Variants in NCAPH observed in about 807,000 individuals in gnomAD.
The protein encoded by NCAPH is non-SMC condensin I complex subunit H.
A neutral mutation model predicts 85.5 loss-of-function variants in NCAPH; 38 were observed. That is an observed-to-expected ratio of 0.44 (90% CI 0.34 to 0.58). NCAPH has a LOEUF of 0.58. Among genes scored for constraint, NCAPH ranks in the 20% least tolerant of loss-of-function variants. The pLI, the probability that NCAPH is intolerant of heterozygous loss-of-function variation, is 0.01. For missense variants in NCAPH, 789 were observed against 916.6 expected (o/e 0.86, Z 1.80); for synonymous variants, 301 against 335.1 (o/e 0.90, Z 1.11).
At chr2:96,353,107 C>T (rs932170810) in intron 7 of NCAPH, among the ~76,000 whole-genome samples, 199 bp from the exon 8 acceptor site, 9 of 152,208 alleles carry the variant, frequency 5.9e-5, no homozygotes, top group East Asian at 3.8e-4. Flanking sequence ...GTGTGGCCGA[C>T]GCATCTGCTC....
intron 6 of NCAPH, among the ~76,000 whole-genome samples, chr2:96,348,687 G>A (rs1432095504): frequency 6.6e-6 from 1 of 151,202 alleles, no homozygotes; most frequent in Non-Finnish European, 1.5e-5. Flanking sequence ...ACAGGGTCTC[G>A]CTCTGTGGCC....
Position 96,351,943 on chromosome 2 carries a change from C to T in NCAPH, c.833C>T (p.Ser278Phe). The T allele has an allele frequency of 6.2e-7, 1 of 1,614,208 alleles. No individual in the cohort carries two copies. Among genetic ancestry groups the T allele is most frequent in the Admixed American group, 1.7e-5 (1 of 60,022 alleles). ...QDYRSELLFP[S>F]DVQTLSTGEP... ...TACAGAAGTGAACTGCTGTTTCCCT[C>T]TGATGTCCAGACTCTCTCCACGGGA... The change falls in exon 7 of 18, where the codon TCT becomes TTT. Residue 278 changes from serine to phenylalanine, a missense_variant. By Grantham distance (155) the Ser-to-Phe change is radical. Coordinates refer to ENST00000240423, the MANE Select transcript of NCAPH (RefSeq NM_015341.5).
At chr2:96,364,126 G>C (rs2064663600) in intron 12 of NCAPH, among the ~76,000 whole-genome samples, 1 of 152,192 alleles carries the variant, frequency 6.6e-6, no homozygotes, top group Non-Finnish European at 1.5e-5. Context: ...TGTCAAAATT[G>C]TTCAAGTGCA....
chr2:96,339,374 C>T (rs1161785923), intron 1 of NCAPH, among the ~76,000 whole-genome samples: 3 of 151,954 alleles, frequency 2.0e-5, no homozygotes, highest in Admixed American at 6.6e-5. Context: ...AGGCAGATCA[C>T]GAGGTCAGGA....
chr2:96,367,214 T>C, intron 14 of NCAPH, 43 bp from the exon 15 acceptor site: 1 of 1,396,076 alleles, frequency 7.2e-7, no homozygotes, highest in South Asian at 1.2e-5. Flanking sequence ...GGTAAAAGTT[T>C]CTTTATTCTG....
intron 6 of NCAPH, 79 bp downstream of exon 6, chr2:96,344,308 C>A (rs2064335390): frequency 6.7e-7 from 1 of 1,491,808 alleles, no homozygotes; most frequent in Non-Finnish European, 8.9e-7. Flanking sequence ...CTAAGGCTGC[C>A]TTGCTGGTAT....
chr2:96,343,734 T>C (rs1375533872), intron 5 of NCAPH, among the ~76,000 whole-genome samples: 7 of 151,152 alleles, frequency 4.6e-5, no homozygotes, highest in Non-Finnish European at 8.8e-5. Context: ...CGAGGCTCAC[T>C]TTGTCACCCA....
intron 5 of NCAPH, among the ~76,000 whole-genome samples, chr2:96,343,904 G>A (rs1400001145): frequency 6.6e-6 from 1 of 152,106 alleles, no homozygotes; most frequent in Non-Finnish European, 1.5e-5. Context: ...GTTTTGTCAT[G>A]TTGGCCAGGC....
chr2:96,367,452 G>A (rs555721918), intron 15 of NCAPH, 79 bp downstream of exon 15: 42 of 1,017,922 alleles, frequency 4.1e-5, no homozygotes, highest in South Asian at 2.1e-4. Context: ...AAGACACCTC[G>A]ATTTGGGCAA....
chr2:96,362,030 C>T (rs1001506551), intron 12 of NCAPH, among the ~76,000 whole-genome samples: 1 of 151,350 alleles, frequency 6.6e-6, no homozygotes, highest in Admixed American at 6.6e-5. Flanking sequence ...AGGCGTGAGC[C>T]GTTACACCTG....
rs192171897 is a variant in NCAPH, at chr2:96,351,787, G to A, written c.721-44G>A. The A allele has an allele frequency of 7.3e-6, 11 of 1,509,368 alleles. No individual in the cohort carries two copies. In the East Asian group the frequency reaches 1.8e-4, roughly 25 times the overall value. 93.5% of individuals were successfully genotyped at this position (1,509,368 alleles called of 1,614,324 possible). ...TGCATGAGAATTTATCTTTCCCTTG[G>A]CTACATGCCGTAAATCTTCAGTTTC... On this transcript the variant is annotated intron_variant, in intron 6 of 17. Coordinates refer to ENST00000240423, the MANE Select transcript of NCAPH (RefSeq NM_015341.5).
In NCAPH at chr2:96,375,264, TC is replaced by T. The variant is rs1008792216; in HGVS notation, c.*1919del. Among the ~76,000 whole-genome samples the T allele has an allele frequency of 2.8e-4, 43 of 152,178 alleles. No homozygotes were observed. Among genetic ancestry groups the T allele is most frequent in the Middle Eastern group, 3.4e-3 (1 of 294 alleles). On this transcript the variant is annotated 3_prime_UTR_variant, in exon 18 of 18. Coordinates refer to ENST00000240423, the MANE Select transcript of NCAPH (RefSeq NM_015341.5). ...ACCAACTTCTACAATGAAATCCCCT[TC>T]CCCCCACAACCCTGCTTCTCCTAAG...
At chr2:96,344,861 G>A (rs1245994896) in intron 6 of NCAPH, among the ~76,000 whole-genome samples, 1 of 152,144 alleles carries the variant, frequency 6.6e-6, no homozygotes, top group Non-Finnish European at 1.5e-5. Flanking sequence ...CATTGTTTCA[G>A]TGAACATTCT....
chr2:96,361,825 TA>T (rs1331863367), intron 12 of NCAPH, among the ~76,000 whole-genome samples: 98 of 122,592 alleles, frequency 8.0e-4, no homozygotes, highest in South Asian at 2.8e-3. Context: ...TATATATATA[TA>T]TATTTTTTTT....
chr2:96,341,634 T>G lies in NCAPH; in HGVS notation c.20-8T>G. The G allele has an allele frequency of 6.2e-7, 1 of 1,606,434 alleles. No homozygotes were observed. Among genetic ancestry groups the G allele is most frequent in the African/African-American group, 1.3e-5 (1 of 74,730 alleles). The stretch of plus-strand genomic sequence containing the variant: ...TTGAAGGTTTCTTGAGCAAGAATTT[T>G]GTTCCAGCACTGCCAGCCACAATGA... On this transcript the variant is annotated splice_region_variant and splice_polypyrimidine_tract_variant and intron_variant, in intron 1 of 17. Coordinates refer to ENST00000240423, the MANE Select transcript of NCAPH (RefSeq NM_015341.5).
chr2:96,354,428 T>G, intron 9 of NCAPH, 40 bp downstream of exon 9: 1 of 1,389,120 alleles, frequency 7.2e-7, no homozygotes, highest in Non-Finnish European at 9.5e-7. Context: ...TATAGGAGTT[T>G]TCCATTGGTT....
At chr2:96,339,021 C>T (rs2064254885) in intron 1 of NCAPH, among the ~76,000 whole-genome samples, 1 of 152,068 alleles carries the variant, frequency 6.6e-6, no homozygotes, top group Non-Finnish European at 1.5e-5. Flanking sequence ...CCGTGTTGGC[C>T]AGGATGGTCT....
At chr2:96,346,111 C>T (rs145868175) in intron 6 of NCAPH, among the ~76,000 whole-genome samples, 56 of 152,202 alleles carry the variant, frequency 3.7e-4, no homozygotes, top group African/African-American at 1.3e-3. Flanking sequence ...TGTCCTTGCG[C>T]AGGTGAGAGG....
intron 6 of NCAPH, among the ~76,000 whole-genome samples, chr2:96,349,915 A>T (rs1407172485): frequency 2.0e-5 from 3 of 152,226 alleles, no homozygotes; most frequent in Non-Finnish European, 2.9e-5. Context: ...CTCAGAGTTT[A>T]TGGAAGAAGC....
Sources: allele counts gnomAD v4.1 joint callset (sites outside exome capture counted in the v4.1 genomes callset), GRCh38; gene constraint gnomAD v4.1.1; transcripts MANE v1.5; gene names NCBI Gene and HGNC (gene_info 2026-07-23, HGNC 2026-07-21).